RYR3: variants seen among roughly 807,000 people sequenced by gnomAD.
RYR3 encodes brain ryanodine receptor-calcium release channel.
Under a neutral mutation model 584.3 loss-of-function variants are expected in RYR3, and 207 were observed. The ratio of observed to expected loss-of-function variants is 0.35; its 90% CI spans 0.32 to 0.40. RYR3 has a LOEUF of 0.40. RYR3 is among the 10% of genes least tolerant of loss of function. The probability of loss-of-function intolerance (pLI) is 1.00; values close to 1 mark genes in which losing one functional copy is unlikely to be tolerated. For synonymous variants in RYR3, 2,416 were observed against 2,248.5 expected, an observed-to-expected ratio of 1.07 and a Z score of -2.11; for missense variants, 5,616 against 6,089.2, an observed-to-expected ratio of 0.92 and a Z score of 2.59.
At chr15:33,336,460 GAGAGAGAGAGAGAGAGAGAGAGAGA>G (rs1567046596) in intron 1 of RYR3, among the ~76,000 whole-genome samples, 409 of 15,824 alleles carry the variant, frequency 0.026, 63 homozygotes, top group African/African-American at 0.099. Context: ...GAGAGAGAGA[GAGAGAGAGAGAGAGAGAGAGAGAGA>G]GAAAGAAAGA....
Position 33,823,974 on chromosome 15 carries a change from A to G in RYR3, c.11072+902A>G, listed in dbSNP as rs116930898. Among the ~76,000 whole-genome samples, 65 of 152,292 alleles carry G rather than the reference A, an allele frequency of 4.3e-4. 2 individuals are homozygous for G. In the East Asian group the frequency reaches 0.012, roughly 28 times the overall value. On this transcript the variant is annotated intron_variant, in intron 81 of 103. Transcript: ENST00000634891. Reference sequence around the variant, plus strand: ...TATCGTACCCTGGGCAGTAGGGAGCATACGTGAGCTGCAGTATAATTCTTT... The same window carrying G: ...TATCGTACCCTGGGCAGTAGGGAGCGTACGTGAGCTGCAGTATAATTCTTT...
chr15:33,857,490 A>T (rs1012678295), intron 98 of RYR3, among the ~76,000 whole-genome samples: 3 of 151,960 alleles, frequency 2.0e-5, no homozygotes, highest in African/African-American at 7.3e-5. Flanking sequence ...TCACATTCTG[A>T]GGTACTGGAG....
At chr15:33,377,812 G>T (rs2040863105) in intron 1 of RYR3, among the ~76,000 whole-genome samples, 1 of 151,910 alleles carries the variant, frequency 6.6e-6, no homozygotes, top group African/African-American at 2.4e-5. Flanking sequence ...CCCCCCTTTG[G>T]ATATAGGGTC....
chr15:33,386,465 G>A (rs1197274139), intron 1 of RYR3, among the ~76,000 whole-genome samples: 1 of 152,188 alleles, frequency 6.6e-6, no homozygotes, highest in African/African-American at 2.4e-5. Context: ...TTGGAGTCAT[G>A]CCAGCATGAG....
chr15:33,700,926 C>G (rs1316714567), intron 41 of RYR3, 51 bp from the exon 42 acceptor site: 10 of 1,364,792 alleles, frequency 7.3e-6, no homozygotes, highest in Non-Finnish European at 8.2e-6. Flanking sequence ...CAGCTCAGCA[C>G]TGAGTGTCTT....
chr15:33,646,086 G>A (rs1161615240), intron 28 of RYR3, among the ~76,000 whole-genome samples: 1 of 152,088 alleles, frequency 6.6e-6, no homozygotes, highest in East Asian at 1.9e-4. Flanking sequence ...CCCCCCTCTG[G>A]CATTTATTCT....
intron 103 of RYR3, 182 bp from the exon 104 acceptor site, chr15:33,864,949 G>C (rs986882318): frequency 1.1e-5 from 6 of 550,976 alleles, no homozygotes; most frequent in Middle Eastern, 4.8e-4. Flanking sequence ...GTGTCAGAGA[G>C]ACATGGCTTC....
intron 63 of RYR3, among the ~76,000 whole-genome samples, chr15:33,772,410 T>C (rs1439654848): frequency 6.6e-6 from 1 of 152,208 alleles, no homozygotes; most frequent in African/African-American, 2.4e-5. Flanking sequence ...GAATTTCCCA[T>C]CTGCCTGTCT....
rs1331763936 is a variant in RYR3, at chr15:33,821,534, C to T, written c.10927C>T (p.Pro3643Ser). The T allele has an allele frequency of 1.2e-6, 2 of 1,613,768 alleles. No homozygotes were observed. The highest frequency in any genetic ancestry group is 2.2e-5 in the East Asian group (1 of 44,884). Residue 3643 changes from proline to serine, a missense_variant, in exon 80 of 104, where the codon CCC (proline) becomes TCC (serine). Transcript: ENST00000634891. ...CTTCACCATGGCAGGTGAGATGAGCCCCATGGTGGTTGAGACGCTGAAGCT... is the reference window on the plus strand; with the variant it reads ...CTTCACCATGGCAGGTGAGATGAGCTCCATGGTGGTTGAGACGCTGAAGCT... ...MISASKGEMS[P>S]MVVETLKLGI...
intron 32 of RYR3, among the ~76,000 whole-genome samples, chr15:33,653,618 T>C (rs1481144572): frequency 6.6e-6 from 1 of 150,748 alleles, no homozygotes; most frequent in South Asian, 2.1e-4. Context: ...TGCAGTGAGC[T>C]GAGATCACAC....
At chr15:33,526,509 A>G (rs971708779) in intron 3 of RYR3, among the ~76,000 whole-genome samples, 14 of 152,142 alleles carry the variant, frequency 9.2e-5, no homozygotes, top group African/African-American at 3.1e-4. Context: ...AGCATATCAC[A>G]CCTTTCCTGG....
intron 16 of RYR3, among the ~76,000 whole-genome samples, chr15:33,591,092 G>A (rs1306422897): frequency 6.6e-6 from 1 of 152,140 alleles, no homozygotes; most frequent in Non-Finnish European, 1.5e-5. Flanking sequence ...ACCTCTCAAT[G>A]ATTTCACTCT....
chr15:33,600,108 A>G (rs1337684281), intron 16 of RYR3, among the ~76,000 whole-genome samples: 4 of 152,214 alleles, frequency 2.6e-5, no homozygotes, highest in Non-Finnish European at 5.9e-5. Flanking sequence ...GATGTCTTTC[A>G]TAGAGTGCTA....
chr15:33,425,933 C>T (rs966885398), intron 1 of RYR3, among the ~76,000 whole-genome samples: 21 of 152,104 alleles, frequency 1.4e-4, no homozygotes, highest in African/African-American at 2.9e-4. Context: ...TGAGCCACCG[C>T]GCCTGGACTG....
intron 36 of RYR3, among the ~76,000 whole-genome samples, chr15:33,666,467 A>T (rs1205643662): frequency 6.6e-6 from 1 of 152,208 alleles, no homozygotes; most frequent in African/African-American, 2.4e-5. Context: ...TCCCTCTCAG[A>T]GTATTCACTT....
chr15:33,863,384 C>T (rs1278666070), intron 102 of RYR3, among the ~76,000 whole-genome samples: 6 of 152,150 alleles, frequency 3.9e-5, no homozygotes, highest in Admixed American at 1.3e-4. Context: ...ATACACTATA[C>T]CACCATGACA....
At chr15:33,387,098 C>T (rs1318880818) in intron 1 of RYR3, among the ~76,000 whole-genome samples, 3 of 152,120 alleles carry the variant, frequency 2.0e-5, no homozygotes, top group Non-Finnish European at 4.4e-5. Context: ...ACCTCGTGAT[C>T]CACCTGCCTC....
chr15:33,760,315 C>G (rs1248552442), intron 60 of RYR3, among the ~76,000 whole-genome samples: 1 of 151,918 alleles, frequency 6.6e-6, no homozygotes, highest in Non-Finnish European at 1.5e-5. Context: ...GGCGAAATGC[C>G]CCAATTAAAA....
At chr15:33,423,544 C>T (rs991570366) in intron 1 of RYR3, among the ~76,000 whole-genome samples, 2 of 152,162 alleles carry the variant, frequency 1.3e-5, no homozygotes, top group Non-Finnish European at 2.9e-5. Flanking sequence ...CTACATTTAA[C>T]TTTTTGAGGA....
Sources: gnomAD v4.1 joint callset for allele counts (sites outside exome capture counted in the v4.1 genomes callset) on GRCh38, gnomAD v4.1.1 for gene constraint, MANE v1.5 for transcripts, NCBI Gene and HGNC (gene_info 2026-07-23, HGNC 2026-07-21) for gene names.